Variants in GLOD4 observed in about 807,000 individuals in gnomAD.
GLOD4 encodes the protein glyoxalase domain containing 4.
Under a neutral mutation model 39.1 loss-of-function variants are expected in GLOD4, and 44 were observed. That is an observed-to-expected ratio of 1.13 (90% CI 0.88 to 1.45). The LOEUF is 1.45. Ranked by LOEUF, GLOD4 falls within the 40% of genes most tolerant of loss-of-function variation. The pLI is 0.00. For synonymous variants in GLOD4, 145 were observed against 135.0 expected (o/e 1.07, Z -0.52); for missense variants, 405 against 366.4 (o/e 1.11, Z -0.86).
At chr17:781,931 G>C (rs1046224874) in intron 1 of GLOD4, 3 of 515,154 alleles carry the variant, frequency 5.8e-6, no homozygotes, top group South Asian at 3.1e-5. Flanking sequence ...TGGCTTAAAT[G>C]AAAGGACGTG....
chr17:770,006 C>T (rs1392021880), intron 7 of GLOD4, 38 bp downstream of exon 7: 2 of 1,554,954 alleles, frequency 1.3e-6, no homozygotes, highest in South Asian at 2.2e-5. Flanking sequence ...TTGAAGAAAC[C>T]CCTGGTCCAG....
intron 8 of GLOD4, among the ~76,000 whole-genome samples, chr17:768,804 T>G (rs1907303695): frequency 7.2e-6 from 1 of 139,514 alleles, no homozygotes; most frequent in African/African-American, 2.8e-5. Context: ...CGCACTCAGA[T>G]TTTTAGAAGA....
intron 8 of GLOD4, among the ~76,000 whole-genome samples, chr17:766,914 G>C (rs893956499): frequency 6.6e-6 from 1 of 152,164 alleles, no homozygotes; most frequent in Non-Finnish European, 1.5e-5. Flanking sequence ...ATTTAATTCA[G>C]TAATTAATTT....
chr17:782,417 A>T, upstream of GLOD4: 1 of 1,613,872 alleles, frequency 6.2e-7, no homozygotes, highest in Non-Finnish European at 8.5e-7. Flanking sequence ...TTGTCGTGCG[A>T]CCGTTGCTGC....
intron 1 of GLOD4, among the ~76,000 whole-genome samples, chr17:780,167 A>G (rs551409297): frequency 6.6e-6 from 1 of 152,280 alleles, no homozygotes; most frequent in Non-Finnish European, 1.5e-5. Flanking sequence ...CCGTCTCAAC[A>G]TAAAAAAAAT....
chr17:776,296 A>G (rs998879872), intron 3 of GLOD4, among the ~76,000 whole-genome samples: 3 of 152,232 alleles, frequency 2.0e-5, no homozygotes, highest in African/African-American at 7.2e-5. Context: ...TAAGCAAACT[A>G]TCAAGGTTTC....
chr17:769,588 G>A (rs114029229), intron 8 of GLOD4, among the ~76,000 whole-genome samples: 2,758 of 149,530 alleles, frequency 0.018, 33 homozygotes, highest in African/African-American at 0.038. Context: ...TGAGGGGGTC[G>A]GATAGAGGCA....
intron 1 of GLOD4, chr17:780,888 A>G (rs909416659): frequency 1.3e-5 from 2 of 153,932 alleles, no homozygotes; most frequent in African/African-American, 4.8e-5. Context: ...CGATATGTTA[A>G]ATACTATACA....
intron 8 of GLOD4, among the ~76,000 whole-genome samples, chr17:761,517 T>G (rs1290681542): frequency 6.6e-6 from 1 of 152,240 alleles, no homozygotes; most frequent in Non-Finnish European, 1.5e-5. Flanking sequence ...CTTTTTTTCT[T>G]TTTTGAAATG....
At chr17:775,357 C>T (rs563445568) in intron 4 of GLOD4, among the ~76,000 whole-genome samples, 1 of 152,124 alleles carries the variant, frequency 6.6e-6, no homozygotes, top group East Asian at 1.9e-4. Context: ...TCTCCTGCAA[C>T]CTTGAGGGGA....
chr17:783,902 A>T (rs1207059659), upstream of GLOD4, among the ~76,000 whole-genome samples: 1 of 152,160 alleles, frequency 6.6e-6, no homozygotes, highest in African/African-American at 2.4e-5. Context: ...TGTCAGATTA[A>T]AAATTAAGAA....
chr17:777,303 A>T (rs1909124628), intron 2 of GLOD4: 1 of 356,484 alleles, frequency 2.8e-6, no homozygotes, highest in African/African-American at 2.1e-5. Context: ...AACAAGCATG[A>T]AATTCCTAAT....
intron 8 of GLOD4, among the ~76,000 whole-genome samples, chr17:763,386 T>TAATCCCAGCTACTCGGG (rs1472760484): frequency 6.6e-6 from 1 of 151,094 alleles, no homozygotes; most frequent in Non-Finnish European, 1.5e-5. Flanking sequence ...CGGGTGCCTG[T>TAATCCCAGCTACTCGGG]AATCCCAGCT....
chr17:765,696 G>A (rs1446302115), intron 8 of GLOD4, among the ~76,000 whole-genome samples: 2 of 150,808 alleles, frequency 1.3e-5, no homozygotes, highest in Non-Finnish European at 3.0e-5. Context: ...CGCCCGCCTC[G>A]GCCTCCCAAA....
At chr17:782,443 G>C, upstream of GLOD4, 5 of 1,613,960 alleles carry the variant, frequency 3.1e-6, no homozygotes, top group Non-Finnish European at 4.2e-6. Context: ...GTCCAGGCTT[G>C]GGACCTTGAC....
chr17:782,294 C>G, upstream of GLOD4: 1 of 1,611,566 alleles, frequency 6.2e-7, no homozygotes, highest in South Asian at 1.1e-5. Flanking sequence ...CACCGTACAG[C>G]CCAGTCCACG....
intron 8 of GLOD4, among the ~76,000 whole-genome samples, chr17:762,459 G>A (rs971358340): frequency 3.3e-5 from 5 of 151,082 alleles, no homozygotes; most frequent in Non-Finnish European, 5.9e-5. Context: ...AGGGATGAAG[G>A]GGAATAATTT....
At chr17:769,017 G>C (rs1907381138) in intron 8 of GLOD4, among the ~76,000 whole-genome samples, 1 of 152,224 alleles carries the variant, frequency 6.6e-6, no homozygotes, top group Non-Finnish European at 1.5e-5. Context: ...GTCAGTAAAA[G>C]GTTTTTAAAG....
intron 4 of GLOD4, among the ~76,000 whole-genome samples, chr17:775,156 A>T (rs1306983734): frequency 1.3e-5 from 2 of 150,644 alleles, no homozygotes; most frequent in South Asian, 4.2e-4. Flanking sequence ...CTATAATCCC[A>T]GCTACTTGGG....
Sources: allele counts gnomAD v4.1 joint callset (sites outside exome capture counted in the v4.1 genomes callset), GRCh38; gene constraint gnomAD v4.1.1; transcripts MANE v1.5; gene names NCBI Gene and HGNC (gene_info 2026-07-23, HGNC 2026-07-21).